NHS: variants seen among roughly 807,000 people sequenced by gnomAD.
NHS encodes actin remodeling regulator NHS.
In NHS, 5 loss-of-function variants were observed where a neutral mutation model predicts 72.5. The observed-to-expected ratio is 0.07, with a 90% CI of 0.04 to 0.14. NHS has a LOEUF of 0.14. Ranked by LOEUF, NHS falls within the 10% of genes least tolerant of loss-of-function variation. The probability of loss-of-function intolerance (pLI) is 1.00; values close to 1 mark genes in which losing one functional copy is unlikely to be tolerated. For synonymous variants in NHS, 464 were observed against 547.7 expected (o/e 0.85, Z 2.13); for missense variants, 1,072 against 1,355.7 (o/e 0.79, Z 3.29).
chrX:17,517,476 C>T (rs1010650315), intron 1 of NHS, among the ~76,000 whole-genome samples: 7 of 112,241 alleles, frequency 6.2e-5, no homozygotes, highest in African/African-American at 9.7e-5. Flanking sequence ...GATAGTATAG[C>T]GTATTACCTA....
At chrX:17,691,844 T>C (rs188661348) in intron 2 of NHS, among the ~76,000 whole-genome samples, 149 of 112,398 alleles carry the variant, frequency 1.3e-3, no homozygotes, top group Non-Finnish European at 9.6e-4. Flanking sequence ...CAACATGAGT[T>C]ATTTCCAGGT....
intron 1 of NHS, among the ~76,000 whole-genome samples, chrX:17,554,262 G>C (rs1422308472): frequency 8.9e-6 from 1 of 112,364 alleles, no homozygotes; most frequent in East Asian, 2.8e-4. Context: ...AGACCCTTCT[G>C]CTGTCCGTAA....
chrX:17,540,297 T>C (rs1453581804), intron 1 of NHS, among the ~76,000 whole-genome samples: 1 of 111,794 alleles, frequency 8.9e-6, no homozygotes. Context: ...AGACATAGCA[T>C]TATGCCTTTA....
At chrX:17,724,545 C>A in intron 6 of NHS, 115 bp downstream of exon 6, 2 of 1,021,847 alleles carry the variant, frequency 2.0e-6, no homozygotes, top group Non-Finnish European at 2.7e-6. Context: ...AAAATGGTGT[C>A]TATTTGTTTT....
rs2066502954 is a variant in NHS at position 17,733,655 on chromosome X, C to T, written c.*1191C>T. 1 of 112,115 alleles carries T rather than the reference C, an allele frequency of 8.9e-6. No individual in the cohort carries two copies. The allele number at this position is 112,115 out of a possible 1,213,427, so 9.2% of individuals were successfully genotyped here. A position where few individuals can be genotyped will look rare whatever the true frequency, so the allele number is the denominator to read the frequency against. On this transcript the variant is annotated 3_prime_UTR_variant, in exon 9 of 9. Coordinates refer to ENST00000676302, the MANE Select transcript of NHS (RefSeq NM_001291867.2). ...TCTGTGCTGATGAGATTCATGCTAC[C>T]TAAAAATTAACAGAAATGACACTGT... is the stretch of plus-strand genomic sequence containing the variant.
chrX:17,514,145 G>A (rs1448058897), intron 1 of NHS, among the ~76,000 whole-genome samples: 1 of 111,768 alleles, frequency 8.9e-6, no homozygotes, highest in East Asian at 2.8e-4. Context: ...CTCCCACCAG[G>A]TCCCTCTTCC....
intron 1 of NHS, among the ~76,000 whole-genome samples, chrX:17,412,366 C>T (rs79759519): frequency 0.014 from 1,531 of 110,312 alleles, 9 homozygotes; most frequent in Middle Eastern, 0.019. Context: ...AGGTCGAGGC[C>T]GGCAGATCAG....
chrX:17,726,199 G>A lies in NHS; in HGVS notation c.2093G>A (p.Arg698Gln), dbSNP rs140904281. The change falls in exon 7 of 9, where the codon CGG becomes CAG. Residue 698 changes from arginine to glutamine, a missense_variant. Coordinates refer to ENST00000676302, the MANE Select transcript of NHS (RefSeq NM_001291867.2). Reference protein sequence around the residue: ...NDHLDKVRGHRANSFTSTVAD... With the variant: ...NDHLDKVRGHQANSFTSTVAD... Reference sequence around the variant, plus strand: ...CACTTGGATAAAGTGAGAGGCCATCGGGCAAACTCCTTTACCTCCACTGTT... The same window carrying A: ...CACTTGGATAAAGTGAGAGGCCATCAGGCAAACTCCTTTACCTCCACTGTT... The A allele has an allele frequency of 1.3e-4, 152 of 1,210,349 alleles. No individual in the cohort carries two copies. In the African/African-American group the frequency reaches 2.2e-3, roughly 17 times the overall value.
At chrX:17,441,688 T>C (rs1180496523) in intron 1 of NHS, among the ~76,000 whole-genome samples, 1 of 111,106 alleles carries the variant, frequency 9.0e-6, no homozygotes, top group Non-Finnish European at 1.9e-5. Context: ...GTTCCTTCCT[T>C]CCAGCATTTA....
In NHS at chrX:17,727,906, G is replaced by A. The variant is rs1004768112; in HGVS notation, c.3800G>A (p.Cys1267Tyr). 3.3e-6 allele frequency: 4 copies of A among 1,210,103 alleles called. No homozygotes were observed. The highest frequency in any genetic ancestry group is 1.8e-5 in the African/African-American group (1 of 57,108). The change falls in exon 7 of 9, where the codon TGT becomes TAT. Residue 1267 changes from cysteine to tyrosine, a missense_variant. Cys to Tyr is a radical substitution (Grantham distance 194). Coordinates refer to ENST00000676302, the MANE Select transcript of NHS (RefSeq NM_001291867.2). ...CCAGAAAACACGCCAACCAAAAACT[G>A]TGCTTTTCCCACAGAAGGATTTCAG... ...PIPENTPTKN[C>Y]AFPTEGFQRV...
At chrX:17,723,324 G>A (rs2066416630) in intron 5 of NHS, among the ~76,000 whole-genome samples, 1 of 111,871 alleles carries the variant, frequency 8.9e-6, no homozygotes. Flanking sequence ...ACGGCATTGT[G>A]ACTTTCTGAG....
At chrX:17,557,233 C>T (rs1432728844) in intron 1 of NHS, 1 of 101,590 alleles carries the variant, frequency 9.8e-6, no homozygotes, top group African/African-American at 3.6e-5. Flanking sequence ...GTTCAAATAC[C>T]CTCCAAGAGC....
chrX:17,732,749 T>A lies in NHS; in HGVS notation c.*285T>A. On this transcript the variant is annotated 3_prime_UTR_variant, in exon 9 of 9. Transcript: ENST00000676302. ...TGAAAATAGAGGATACAAAATTGTC[T>A]AATTTTCATGACACCTAGAAAACGT... The A allele has an allele frequency of 3.2e-6, 1 of 315,583 alleles. No individual in the cohort carries two copies. Among genetic ancestry groups the A allele is most frequent in the Non-Finnish European group, 5.6e-6 (1 of 179,604 alleles). The allele number at this position is 315,583 out of a possible 1,213,427, so 26.0% of individuals were successfully genotyped here.
intron 1 of NHS, among the ~76,000 whole-genome samples, chrX:17,618,606 C>T (rs752160441): frequency 5.4e-5 from 6 of 112,092 alleles, no homozygotes; most frequent in African/African-American, 1.6e-4. Flanking sequence ...TTTTACTTGA[C>T]ATATTTAATA....
At chrX:17,603,806 G>A (rs1324517462) in intron 1 of NHS, among the ~76,000 whole-genome samples, 1 of 111,501 alleles carries the variant, frequency 9.0e-6, no homozygotes, top group African/African-American at 3.3e-5. Flanking sequence ...GTAAGAGGGG[G>A]CACATATTTT....
chrX:17,535,792 G>C (rs746450331), intron 1 of NHS, among the ~76,000 whole-genome samples: 2 of 111,017 alleles, frequency 1.8e-5, no homozygotes, highest in African/African-American at 6.6e-5. Context: ...ACATTGCCCA[G>C]GCTGTTCTTG....
chrX:17,536,171 C>G (rs1428690497), intron 1 of NHS, among the ~76,000 whole-genome samples: 1 of 111,503 alleles, frequency 9.0e-6, no homozygotes, highest in Non-Finnish European at 1.9e-5. Context: ...CTGGCTAACA[C>G]AGTGAAACCC....
At chrX:17,470,337 A>G (rs1437843347) in intron 1 of NHS, among the ~76,000 whole-genome samples, 1 of 111,126 alleles carries the variant, frequency 9.0e-6, no homozygotes, top group Non-Finnish European at 1.9e-5. Context: ...CAGACTGTCA[A>G]GGGCCTACAT....
chrX:17,516,148 G>C (rs753480594), intron 1 of NHS, among the ~76,000 whole-genome samples: 42 of 110,787 alleles, frequency 3.8e-4, no homozygotes, highest in Admixed American at 2.9e-4. Context: ...AACATTATTA[G>C]CATTTTACAT....
Sources: allele counts gnomAD v4.1 joint callset (sites outside exome capture counted in the v4.1 genomes callset), GRCh38; gene constraint gnomAD v4.1.1; transcripts MANE v1.5; gene names NCBI Gene and HGNC (gene_info 2026-07-23, HGNC 2026-07-21).